The following WFDC3 variants were observed in gnomAD, a reference collection of about 807,000 sequenced individuals.
WFDC3 encodes the protein WAP four-disulfide core domain protein 3.
WFDC3 carries 15 observed loss-of-function variants against 25.8 expected under a neutral mutation model. That is an observed-to-expected ratio of 0.58 (90% confidence interval 0.39 to 0.89). The LOEUF is 0.89. WFDC3 is among the 40% of genes least tolerant of loss of function. WFDC3 has a pLI of 0.00. For missense variants in WFDC3, 264 were observed against 289.8 expected (o/e 0.91, Z 0.65); for synonymous variants, 103 against 107.1 (o/e 0.96, Z 0.24).
chr20:45,775,587 C>A lies in WFDC3; in HGVS notation c.509G>T (p.Cys170Phe), dbSNP rs200602781. 45 of 1,614,074 alleles carry A rather than the reference C, an allele frequency of 2.8e-5. No individual in the cohort carries two copies. The highest frequency in any genetic ancestry group is 9.3e-6 in the Non-Finnish European group (11 of 1,180,034). Residue 170 changes from cysteine to phenylalanine, a missense_variant, in exon 6 of 7, where the codon TGT becomes TTT. Coordinates refer to ENST00000243938, the MANE Select transcript of WFDC3 (RefSeq NM_080614.2). ...GCACAGGCCCACCAGAACTTTTGGA[C>A]AATCACCGCCCCGCCCTGTGGGAAC... ...GDIEGGRGGD[C>F]PKVLVGLCIV...
chr20:45,776,660 A>ATATGTGTGTGTGTG (rs762240715), intron 5 of WFDC3, among the ~76,000 whole-genome samples: 62 of 93,248 alleles, frequency 6.6e-4, no homozygotes, highest in African/African-American at 2.0e-3. Context: ...ATATATATAT[A>ATATGTGTGTGTGTG]TGTGTGTGTG....
At chr20:45,783,398 A>G (rs113804889) in intron 4 of WFDC3, among the ~76,000 whole-genome samples, 2,244 of 152,032 alleles carry the variant, frequency 0.015, 51 homozygotes, top group African/African-American at 0.051. Flanking sequence ...GGATCACCTG[A>G]GCCCAGGAGG....
At chr20:45,788,304 C>CAA in intron 3 of WFDC3, 1 of 154,080 alleles carries the variant, frequency 6.5e-6, no homozygotes, top group Non-Finnish European at 1.4e-5. Context: ...AACTCCGTCT[C>CAA]AAAAAAAAAA....
rs564771606 is a variant in WFDC3, at chr20:45,774,284, T to C, written c.*144A>G. On this transcript the variant is annotated 3_prime_UTR_variant, in exon 7 of 7. Coordinates refer to ENST00000243938, the MANE Select transcript of WFDC3 (RefSeq NM_080614.2). ...CCCAATCCAGGGCTATTTCCCATGC[T>C]CTGGTCAGCGGCAGGAGGAGAAGCA... The C allele has an allele frequency of 8.9e-7, 1 of 1,125,474 alleles. No individual in the cohort carries two copies. The highest frequency in any genetic ancestry group is 2.4e-5 in the East Asian group (1 of 42,292). The allele number at this position is 1,125,474 out of a possible 1,614,324, so 69.7% of individuals were successfully genotyped here. A position where few individuals can be genotyped will look rare whatever the true frequency, so the allele number is the denominator to read the frequency against.
chr20:45,776,135 A>G (rs1015783594), intron 5 of WFDC3, among the ~76,000 whole-genome samples: 1 of 152,218 alleles, frequency 6.6e-6, no homozygotes, highest in Non-Finnish European at 1.5e-5. Flanking sequence ...AGCCTTGAGC[A>G]CTGCCTGGGA....
At chr20:45,788,226 C>G (rs1229099182) in intron 3 of WFDC3, 1 of 300,738 alleles carries the variant, frequency 3.3e-6, no homozygotes, top group South Asian at 4.2e-5. Context: ...ATCACTTGAA[C>G]CCGGGAGGCA....
chr20:45,775,664 C>T (rs1980109970), intron 5 of WFDC3, 62 bp from the exon 6 acceptor site: 14 of 1,593,722 alleles, frequency 8.8e-6, no homozygotes, highest in African/African-American at 2.7e-5. Context: ...TCCATGTTCC[C>T]ATCGTGAACT....
intron 4 of WFDC3, among the ~76,000 whole-genome samples, chr20:45,783,334 C>T (rs753468937): frequency 2.4e-4 from 36 of 151,818 alleles, no homozygotes; most frequent in Admixed American, 3.3e-4. Context: ...CATTTCTGGC[C>T]GGACACAGTG....
intron 1 of WFDC3, 64 bp from the exon 2 acceptor site, chr20:45,790,046 G>C (rs1032269498): frequency 7.3e-7 from 1 of 1,368,860 alleles, no homozygotes; most frequent in Non-Finnish European, 1.0e-6. Flanking sequence ...AGTATCAGCT[G>C]AGGTATGAGC....
Position 45,775,526 on chromosome 20 carries a change from A to C in WFDC3, c.570T>G (p.Ala190=). 1 of 1,614,168 alleles carries C rather than the reference A, an allele frequency of 6.2e-7. No individual in the cohort carries two copies. Among genetic ancestry groups the C allele is most frequent in the South Asian group, 1.1e-5 (1 of 91,084 alleles). ...AGCCTGACTTGCAACATTTTTCTCC[A>C]GCTTGACAATTCTCATCCATCACAC... The part of the protein sequence containing the change: ...VGCVMDENCQ[A]GEKCCKSGCG... Residue 190 remains alanine, a synonymous_variant, in exon 6 of 7, where the codon GCT becomes GCG. Transcript: ENST00000243938.
intron 6 of WFDC3, among the ~76,000 whole-genome samples, chr20:45,774,739 C>T (rs568667657): frequency 3.5e-4 from 53 of 152,128 alleles, no homozygotes; most frequent in South Asian, 1.2e-3. Flanking sequence ...ATCAGGAGCT[C>T]GAGACCAGAC....
chr20:45,774,312 G>T lies in WFDC3; in HGVS notation c.*116C>A. 7.1e-7 allele frequency: 1 copy of T among 1,398,606 alleles called. No individual in the cohort carries two copies. Among genetic ancestry groups the T allele is most frequent in the Non-Finnish European group, 1.0e-6 (1 of 985,614 alleles). The allele number at this position is 1,398,606 out of a possible 1,614,324, so 86.6% of individuals were successfully genotyped here. On this transcript the variant is annotated 3_prime_UTR_variant, in exon 7 of 7. Transcript: ENST00000243938. ...GGTCAGCGGCAGGAGGAGAAGCAGAGCAGAGAGGGCCATGAGTGCCCCTGG... is the reference window on the plus strand; with the variant it reads ...GGTCAGCGGCAGGAGGAGAAGCAGATCAGAGAGGGCCATGAGTGCCCCTGG...
At chr20:45,788,851 G>A in intron 3 of WFDC3, 80 bp downstream of exon 3, 5 of 1,514,512 alleles carry the variant, frequency 3.3e-6, no homozygotes, top group Admixed American at 2.3e-5. Flanking sequence ...AACCTAGAAG[G>A]TGGGAAGCTC....
chr20:45,780,062 C>A (rs968542728), intron 4 of WFDC3, among the ~76,000 whole-genome samples: 1 of 131,520 alleles, frequency 7.6e-6, no homozygotes, highest in South Asian at 2.4e-4. Flanking sequence ...AGCCTTTATA[C>A]CTTTTTTTTT....
chr20:45,791,488 G>T (rs1029821272), intron 1 of WFDC3, among the ~76,000 whole-genome samples: 3 of 151,904 alleles, frequency 2.0e-5, no homozygotes, highest in Non-Finnish European at 2.9e-5. Flanking sequence ...GTAGAGACGG[G>T]GTTTCGCCAT....
In WFDC3 at chr20:45,774,408, C is replaced by T; in HGVS notation, c.*20G>A. ...AAAGCTTCCAGAATTACCAAAGAAG[C>T]TCCAGACAAATCAGCACAGCTAGGG... On this transcript the variant is annotated 3_prime_UTR_variant, in exon 7 of 7. Coordinates refer to ENST00000243938, the MANE Select transcript of WFDC3 (RefSeq NM_080614.2). 1.9e-6 allele frequency: 3 copies of T among 1,614,130 alleles called. No homozygotes were observed. The South Asian group carries it at 3.3e-5, about 18-fold the overall frequency.
At chr20:45,781,679 GA>G (rs1363298224) in intron 4 of WFDC3, among the ~76,000 whole-genome samples, 4 of 152,170 alleles carry the variant, frequency 2.6e-5, no homozygotes, top group Non-Finnish European at 4.4e-5. Context: ...CACTCACTGT[GA>G]AAGTTCTCTA....
In WFDC3 at chr20:45,788,988, C is replaced by G. The variant is rs759419159; in HGVS notation, c.154G>C (p.Ala52Pro). The change falls in exon 3 of 7, where the codon GCT becomes CCT. Residue 52 changes from alanine (A) to proline (P), a missense_variant. Physicochemically the swap from Ala to Pro is conservative, Grantham distance 27. Coordinates refer to ENST00000243938, the MANE Select transcript of WFDC3 (RefSeq NM_080614.2). ...CCTGTGGTGCAGCACTTCTGTTCAGCCGGACACAATTCATCACCCTGGCAC... is the reference window on the plus strand; with the variant it reads ...CCTGTGGTGCAGCACTTCTGTTCAGGCGGACACAATTCATCACCCTGGCAC... ...ELCQGDELCP[A>P]EQKCCTTGCG... The G allele has an allele frequency of 2.5e-6, 4 of 1,613,884 alleles. No homozygotes were observed. In the South Asian group the frequency reaches 3.3e-5, roughly 13 times the overall value.
intron 1 of WFDC3, among the ~76,000 whole-genome samples, chr20:45,790,416 T>G (rs571776251): frequency 1.3e-5 from 2 of 152,296 alleles, no homozygotes; most frequent in African/African-American, 2.4e-5. Context: ...CATAATAAAA[T>G]TGTGGCTCCT....
Sources: allele counts gnomAD v4.1 joint callset (sites outside exome capture counted in the v4.1 genomes callset), GRCh38; gene constraint gnomAD v4.1.1; transcripts MANE v1.5; gene names NCBI Gene and HGNC (gene_info 2026-07-23, HGNC 2026-07-21).